The following RAB3GAP1 variants were observed in gnomAD, a reference collection of about 807,000 sequenced individuals.
The protein encoded by RAB3GAP1 is RAB3 GTPase activating protein catalytic subunit 1.
In RAB3GAP1, 86 loss-of-function variants were observed where a neutral mutation model predicts 130.7. The observed-to-expected ratio is 0.66, with a 90% CI of 0.55 to 0.79. RAB3GAP1 has a LOEUF of 0.79. RAB3GAP1 is among the 30% of genes least tolerant of loss of function. The pLI, the probability that RAB3GAP1 is intolerant of heterozygous loss-of-function variation, is 0.00. For synonymous variants in RAB3GAP1, 367 were observed against 401.7 expected, an observed-to-expected ratio of 0.91 and a Z score of 1.03; for missense variants, 1,029 against 1,169.4, an observed-to-expected ratio of 0.88 and a Z score of 1.75.
At chr2:135,065,139 G>A (rs1407294307) in intron 3 of RAB3GAP1, among the ~76,000 whole-genome samples, 1 of 152,078 alleles carries the variant, frequency 6.6e-6, no homozygotes, top group African/African-American at 2.4e-5. Context: ...TTCCCTTCCA[G>A]AATTTACACC....
intron 3 of RAB3GAP1, among the ~76,000 whole-genome samples, chr2:135,072,912 C>A (rs1248027838): frequency 6.6e-6 from 1 of 152,220 alleles, no homozygotes; most frequent in African/African-American, 2.4e-5. Flanking sequence ...AGTTATCCCC[C>A]TTCAAGAGAT....
chr2:135,073,640 C>T (rs2104845660), intron 3 of RAB3GAP1, among the ~76,000 whole-genome samples: 1 of 152,320 alleles, frequency 6.6e-6, no homozygotes, highest in East Asian at 1.9e-4. Flanking sequence ...AAGCAGCCAG[C>T]ACTTGAGCCT....
intron 19 of RAB3GAP1, 58 bp downstream of exon 19, chr2:135,153,934 G>T: frequency 6.6e-7 from 1 of 1,505,198 alleles, no homozygotes. Flanking sequence ...TATGATTTAG[G>T]AACTCACTGT....
At chr2:135,065,795 G>A (rs898825944) in intron 3 of RAB3GAP1, among the ~76,000 whole-genome samples, 1 of 132,948 alleles carries the variant, frequency 7.5e-6, no homozygotes, top group South Asian at 2.3e-4. Flanking sequence ...TTTTTGAGAC[G>A]GAGTCTCACT....
intron 3 of RAB3GAP1, among the ~76,000 whole-genome samples, chr2:135,085,158 C>T (rs1049180358): frequency 1.3e-5 from 2 of 152,138 alleles, no homozygotes; most frequent in East Asian, 1.9e-4. Flanking sequence ...TTTCCACCAA[C>T]GTGAGAAACT....
Position 135,168,781 on chromosome 2 carries a change from A to G in RAB3GAP1, c.2946A>G (p.Ter982TrpextTer3), listed in dbSNP as rs141436429. 765 of 1,610,426 alleles carry G rather than the reference A, an allele frequency of 4.8e-4. No individual in the cohort carries two copies. Among genetic ancestry groups the G allele is most frequent in the Non-Finnish European group, 6.0e-4 (709 of 1,176,836 alleles). ...GAFSSDTSFF[*>W] ...TTTCATCAGATACTTCCTTCTTCTG[A>G]TTCTTCTAGCATTACTCGTTGGTGG... Residue 982 changes from the stop codon to tryptophan, a stop_lost, in exon 24 of 24, where the codon TGA (stop) becomes TGG (tryptophan). Coordinates refer to ENST00000264158, the MANE Select transcript of RAB3GAP1 (RefSeq NM_012233.3).
At position 135,162,570 on chromosome 2, in the gene RAB3GAP1, G is replaced by A. The variant is rs779854755; in HGVS notation, c.2305G>A (p.Ala769Thr). The A allele has an allele frequency of 1.2e-6, 2 of 1,613,778 alleles. No individual in the cohort carries two copies. The highest frequency in any genetic ancestry group is 3.3e-5 in the Admixed American group (2 of 59,988). ...REAEKVLHYL[A>T]IQKPADLARH... is the part of the protein sequence containing the mutation. ...CCTCCTTCAGGTGCTGCACTATCTG[G>A]CAATCCAGAAACCTGCAGACCTTGC... The change falls in exon 20 of 24, where the codon GCA becomes ACA. Residue 769 changes from alanine to threonine, a missense_variant. By Grantham distance (58) the Ala-to-Thr change is moderately conservative (BLOSUM62 0). Coordinates refer to ENST00000264158, the MANE Select transcript of RAB3GAP1 (RefSeq NM_012233.3).
At chr2:135,124,493 A>G (rs542274014) in intron 9 of RAB3GAP1, among the ~76,000 whole-genome samples, 2 of 152,206 alleles carry the variant, frequency 1.3e-5, no homozygotes, top group East Asian at 3.9e-4. Flanking sequence ...GCGAAACCCC[A>G]TCTCTACTAA....
At chr2:135,093,747 A>C in intron 5 of RAB3GAP1, 54 bp downstream of exon 5, 2 of 1,288,248 alleles carry the variant, frequency 1.6e-6, no homozygotes, top group Non-Finnish European at 2.3e-6. Context: ...GGGGGACCTC[A>C]ACACTGTCCC....
chr2:135,162,335 TAAG>T, intron 19 of RAB3GAP1: 1 of 538,996 alleles, frequency 1.9e-6, no homozygotes, highest in East Asian at 3.3e-5. Context: ...GTGTATTACA[TAAG>T]AAAGCAGAAA....
chr2:135,079,149 G>A (rs1298263961), intron 3 of RAB3GAP1, among the ~76,000 whole-genome samples: 1 of 152,060 alleles, frequency 6.6e-6, no homozygotes, highest in Non-Finnish European at 1.5e-5. Context: ...GATTACAGGC[G>A]TGAGCCACTG....
At chr2:135,067,753 G>T (rs1023474009) in intron 3 of RAB3GAP1, among the ~76,000 whole-genome samples, 1 of 152,132 alleles carries the variant, frequency 6.6e-6, no homozygotes, top group Non-Finnish European at 1.5e-5. Context: ...TTTTGAGAGA[G>T]GGTCTTGCTG....
rs570068463 is a variant in RAB3GAP1 at position 135,060,844 on chromosome 2, G to A, written c.150+2758G>A. ...CCTTAGCCTCCCAAGAAGCTGAGAC[G>A]ACAGGCATATGCCACCTTGCCTGGC... On this transcript the variant is annotated intron_variant, in intron 3 of 23. Coordinates refer to ENST00000264158, the MANE Select transcript of RAB3GAP1 (RefSeq NM_012233.3). 3.3e-5 allele frequency among the ~76,000 whole-genome samples: 5 copies of A among 151,974 alleles called. No homozygotes were observed. In the South Asian group the frequency reaches 8.3e-4, roughly 25 times the overall value.
rs1265124373 is a variant in RAB3GAP1 at position 135,113,365 on chromosome 2, A to T, written c.482+95A>T. On this transcript the variant is annotated intron_variant, in intron 6 of 23. Transcript: ENST00000264158. Reference sequence around the variant, plus strand: ...TATTAAATGTTAGCTTTTTAACTGTAATTAGGAACTTAGTGCATATATATT... The same window carrying T: ...TATTAAATGTTAGCTTTTTAACTGTTATTAGGAACTTAGTGCATATATATT... 4 of 1,493,168 alleles carry T rather than the reference A, an allele frequency of 2.7e-6. No homozygotes were observed. In the East Asian group the frequency reaches 6.8e-5, roughly 25 times the overall value. The allele number at this position is 1,493,168 out of a possible 1,614,324, so 92.5% of individuals were successfully genotyped here. A position where few individuals can be genotyped will look rare whatever the true frequency, so the allele number is the denominator to read the frequency against.
chr2:135,056,799 T>C (rs1387173982), intron 2 of RAB3GAP1, among the ~76,000 whole-genome samples: 1 of 152,228 alleles, frequency 6.6e-6, no homozygotes, highest in Non-Finnish European at 1.5e-5. Flanking sequence ...CATTTAATTT[T>C]AAAGAGGAAT....
intron 3 of RAB3GAP1, among the ~76,000 whole-genome samples, chr2:135,064,854 T>G (rs1288879397): frequency 1.3e-5 from 2 of 151,542 alleles, no homozygotes; most frequent in Non-Finnish European, 2.9e-5. Flanking sequence ...TTATTTATAA[T>G]GTAAGCATAA....
intron 3 of RAB3GAP1, among the ~76,000 whole-genome samples, chr2:135,081,361 T>TATATATATATATATATATAC (rs1216831944): frequency 4.2e-5 from 3 of 71,256 alleles, no homozygotes; most frequent in Non-Finnish European, 6.8e-5. Flanking sequence ...TATATATATA[T>TATATATATATATATATATAC]ACACACACGT....
chr2:135,164,979 A>G (rs1448884436), intron 23 of RAB3GAP1, among the ~76,000 whole-genome samples: 2 of 152,214 alleles, frequency 1.3e-5, no homozygotes, highest in Non-Finnish European at 2.9e-5. Flanking sequence ...GTCAGTTAGC[A>G]ATGGCCAGTG....
In RAB3GAP1 at chr2:135,150,493, T is replaced by C; in HGVS notation, c.2048T>C (p.Met683Thr). The C allele has an allele frequency of 1.1e-5, 17 of 1,614,128 alleles. No homozygotes were observed. Among genetic ancestry groups the C allele is most frequent in the Non-Finnish European group, 1.4e-5 (16 of 1,180,020 alleles). The stretch of plus-strand genomic sequence containing the variant: ...CAGAGTGCCTGTCTGCTCTCAGATA[T>C]GGAGTCTTTTAAGGTGGGTCACACT... ...RMQSACLLSDMESFKAANPGC... is the reference protein window; with the variant it reads ...RMQSACLLSDTESFKAANPGC... Residue 683 changes from methionine (M) to threonine (T), a missense_variant, in exon 18 of 24, where the codon ATG (methionine) becomes ACG (threonine). Transcript: ENST00000264158.
Sources: gnomAD v4.1 joint callset for allele counts (sites outside exome capture counted in the v4.1 genomes callset) on GRCh38, gnomAD v4.1.1 for gene constraint, MANE v1.5 for transcripts, NCBI Gene and HGNC (gene_info 2026-07-23, HGNC 2026-07-21) for gene names.